Variants in KCNIP4 observed in about 807,000 individuals in gnomAD.
KCNIP4 encodes the protein potassium voltage-gated channel interacting protein 4, also known as Kv channel-interacting protein 4.
KCNIP4 carries 12 observed loss-of-function variants against 34.0 expected under a neutral mutation model. The ratio of observed to expected loss-of-function variants is 0.35; its 90% CI spans 0.23 to 0.57. The LOEUF (loss-of-function observed/expected upper bound fraction) is 0.57. Ranked by LOEUF, KCNIP4 falls within the 20% of genes least tolerant of loss-of-function variation. KCNIP4 has a pLI of 0.83. For missense variants in KCNIP4, 238 were observed against 311.7 expected (o/e 0.76, Z 1.78); for synonymous variants, 124 against 102.2 (o/e 1.21, Z -1.29).
At chr4:21,863,457 G>T (rs566017982) in intron 1 of KCNIP4, among the ~76,000 whole-genome samples, 7 of 152,158 alleles carry the variant, frequency 4.6e-5, no homozygotes, top group Non-Finnish European at 8.8e-5. Context: ...TAGGTAAGGG[G>T]ATGGCTTCAT....
At chr4:21,776,998 C>G (rs987761778) in intron 1 of KCNIP4, among the ~76,000 whole-genome samples, 1 of 152,064 alleles carries the variant, frequency 6.6e-6, no homozygotes, top group Non-Finnish European at 1.5e-5. Context: ...GTCTTGAACT[C>G]CTGACTTCAA....
intron 1 of KCNIP4, among the ~76,000 whole-genome samples, chr4:20,909,181 T>C (rs1418632301): frequency 6.6e-6 from 1 of 152,230 alleles, no homozygotes; most frequent in Admixed American, 6.5e-5. Flanking sequence ...AAATCATATA[T>C]GAAATTGTTA....
intron 1 of KCNIP4, among the ~76,000 whole-genome samples, chr4:20,998,828 CACTT>C (rs1255345407): frequency 4.6e-5 from 7 of 152,156 alleles, no homozygotes; most frequent in African/African-American, 1.4e-4. Flanking sequence ...ACAGTCGGTG[CACTT>C]AATTGTAAAG....
intron 1 of KCNIP4, among the ~76,000 whole-genome samples, chr4:21,733,450 C>T (rs954513677): frequency 3.9e-5 from 6 of 152,082 alleles, no homozygotes; most frequent in Admixed American, 2.0e-4. Context: ...CACACATATA[C>T]GCACCATGGC....
At chr4:21,480,583 A>G (rs62301284) in intron 1 of KCNIP4, among the ~76,000 whole-genome samples, 11,521 of 152,282 alleles carry the variant, frequency 0.076, 533 homozygotes, top group East Asian at 0.15. Context: ...ACAGTTGAAT[A>G]AAGTGGTAAG....
At chr4:21,338,264 C>CAAA (rs869150288) in intron 1 of KCNIP4, among the ~76,000 whole-genome samples, 109 of 49,758 alleles carry the variant, frequency 2.2e-3, no homozygotes, top group Non-Finnish European at 2.8e-3. Flanking sequence ...GACTCCTTCT[C>CAAA]AAAAAAAAAA....
At position 21,247,746 on chromosome 4, in the gene KCNIP4, A is replaced by C. The variant is rs534018761; in HGVS notation, c.62-365037T>G. ...GCAATCCACAGGTGGATATATATATATATATATATATATACACCCCACAGG... is the reference window on the plus strand; with the variant it reads ...GCAATCCACAGGTGGATATATATATCTATATATATATATACACCCCACAGG... On this transcript the variant is annotated intron_variant, in intron 1 of 8. Coordinates refer to ENST00000382152, the MANE Select transcript of KCNIP4 (RefSeq NM_025221.6). 2.8e-3 allele frequency among the ~76,000 whole-genome samples: 358 copies of C among 127,194 alleles called. 12 individuals are homozygous for C. Among genetic ancestry groups the C allele is most frequent in the Middle Eastern group, 0.019 (5 of 266 alleles). The allele number at this position is 127,194 out of a possible 152,430, so 83.4% of individuals were successfully genotyped here. A position where few individuals can be genotyped will look rare whatever the true frequency, so the allele number is the denominator to read the frequency against.
chr4:21,560,073 G>A (rs1238692815), intron 1 of KCNIP4, among the ~76,000 whole-genome samples: 1 of 151,692 alleles, frequency 6.6e-6, no homozygotes, highest in Non-Finnish European at 1.5e-5. Context: ...TCTGTATATA[G>A]CCATTTGTTT....
intron 1 of KCNIP4, among the ~76,000 whole-genome samples, chr4:20,975,953 A>C (rs532351222): frequency 6.6e-6 from 1 of 152,358 alleles, no homozygotes; most frequent in South Asian, 2.1e-4. Context: ...ATCTGTTTGC[A>C]TATTATCTAC....
At chr4:21,789,165 A>C (rs1720109673) in intron 1 of KCNIP4, among the ~76,000 whole-genome samples, 1 of 151,538 alleles carries the variant, frequency 6.6e-6, no homozygotes, top group Non-Finnish European at 1.5e-5. Flanking sequence ...TACAACTCAC[A>C]CTCAACAAAT....
chr4:21,920,331 T>C (rs1728867692), intron 1 of KCNIP4, among the ~76,000 whole-genome samples: 1 of 152,220 alleles, frequency 6.6e-6, no homozygotes, highest in African/African-American at 2.4e-5. Context: ...GTACAGACTT[T>C]TATGTGTCAT....
chr4:21,366,716 A>C (rs2323001), intron 1 of KCNIP4, among the ~76,000 whole-genome samples: 134,255 of 151,924 alleles, frequency 0.88, 59,642 homozygotes, highest in Non-Finnish European at 0.92. Flanking sequence ...TCTCTATAGT[A>C]CCTGGTCTTT....
chr4:21,623,495 C>G (rs151220178), intron 1 of KCNIP4, among the ~76,000 whole-genome samples: 15 of 152,292 alleles, frequency 9.8e-5, no homozygotes, highest in African/African-American at 3.4e-4. Context: ...TTCTCTCTCT[C>G]TGTCTCTCAT....
chr4:21,086,925 T>G (rs1746488505), intron 1 of KCNIP4, among the ~76,000 whole-genome samples: 1 of 149,182 alleles, frequency 6.7e-6, no homozygotes, highest in African/African-American at 2.5e-5. Flanking sequence ...CTCTTTCCCT[T>G]TCCTTCTTTC....
chr4:21,341,773 C>A (rs1029302785), intron 1 of KCNIP4, among the ~76,000 whole-genome samples: 1 of 152,130 alleles, frequency 6.6e-6, no homozygotes, highest in Non-Finnish European at 1.5e-5. Context: ...GGCTTGTTTA[C>A]AAACTACAAA....
chr4:20,794,557 T>C (rs1713199157), intron 3 of KCNIP4, among the ~76,000 whole-genome samples: 1 of 152,352 alleles, frequency 6.6e-6, no homozygotes, highest in African/African-American at 2.4e-5. Flanking sequence ...TGTTTATGGA[T>C]GCAAACTTTG....
chr4:21,247,572 T>G (rs1245107644), intron 1 of KCNIP4, among the ~76,000 whole-genome samples: 2 of 130,940 alleles, frequency 1.5e-5, no homozygotes, highest in African/African-American at 7.2e-5. Flanking sequence ...TATATAGATA[T>G]AAATACATAT....
intron 1 of KCNIP4, among the ~76,000 whole-genome samples, chr4:21,111,599 C>T (rs951689671): frequency 2.0e-5 from 3 of 152,172 alleles, no homozygotes; most frequent in Non-Finnish European, 2.9e-5. Flanking sequence ...CCAAACTCAG[C>T]GTGGCACTAG....
At chr4:21,293,220 C>T (rs1763641913) in intron 1 of KCNIP4, among the ~76,000 whole-genome samples, 1 of 152,186 alleles carries the variant, frequency 6.6e-6, no homozygotes. Context: ...AGCTACCTTC[C>T]ATTCATCTCT....
Sources: allele counts gnomAD v4.1 joint callset (sites outside exome capture counted in the v4.1 genomes callset), GRCh38; gene constraint gnomAD v4.1.1; transcripts MANE v1.5; gene names NCBI Gene and HGNC (gene_info 2026-07-23, HGNC 2026-07-21).